The following PCSK5 variants were observed in gnomAD, a reference collection of about 807,000 sequenced individuals.
The protein encoded by PCSK5 is prohormone convertase 5.
A neutral mutation model predicts 233.2 loss-of-function variants in PCSK5; 129 were observed. That is an observed-to-expected ratio of 0.55 (90% CI 0.48 to 0.64). The LOEUF (loss-of-function observed/expected upper bound fraction) is 0.64, where lower values mean the gene tolerates loss of function less well. PCSK5 is among the 30% of genes least tolerant of loss of function. The pLI, the probability that PCSK5 is intolerant of heterozygous loss-of-function variation, is 0.00. For synonymous variants in PCSK5, 825 were observed against 879.2 expected, an observed-to-expected ratio of 0.94 and a Z score of 1.09; for missense variants, 2,076 against 2,430.1, an observed-to-expected ratio of 0.85 and a Z score of 3.06.
chr9:76,018,395 G>T (rs1293982506), intron 3 of PCSK5, among the ~76,000 whole-genome samples: 1 of 152,180 alleles, frequency 6.6e-6, no homozygotes, highest in Non-Finnish European at 1.5e-5. Context: ...TGCACAGCAG[G>T]ACTTGAGTGG....
At chr9:76,245,071 G>T (rs1432146825) in intron 24 of PCSK5, among the ~76,000 whole-genome samples, 1 of 152,060 alleles carries the variant, frequency 6.6e-6, no homozygotes, top group African/African-American at 2.4e-5. Flanking sequence ...TTGTTTGTTT[G>T]TTTGTTTTAA....
chr9:75,914,594 T>C (rs1031345293), intron 1 of PCSK5, among the ~76,000 whole-genome samples: 8 of 152,072 alleles, frequency 5.3e-5, no homozygotes, highest in Non-Finnish European at 1.0e-4. Context: ...CCCCTTTCAG[T>C]AGGGCAAGAA....
intron 21 of PCSK5, among the ~76,000 whole-genome samples, chr9:76,229,966 G>A (rs1049792820): frequency 6.6e-6 from 1 of 152,212 alleles, no homozygotes; most frequent in African/African-American, 2.4e-5. Flanking sequence ...GGCATCTCAG[G>A]AATCCATGAA....
intron 30 of PCSK5, 109 bp downstream of exon 30, chr9:76,310,960 C>A: frequency 2.7e-6 from 2 of 735,438 alleles, no homozygotes; most frequent in Non-Finnish European, 2.1e-6. Flanking sequence ...CTACGAGCAC[C>A]CACATAAATG....
chr9:76,332,356 G>A lies in PCSK5; in HGVS notation c.4571-77G>A, dbSNP rs149092837. The A allele has an allele frequency of 4.4e-3, 4,714 of 1,064,238 alleles. 10 individuals are homozygous for A. Among genetic ancestry groups the A allele is most frequent in the Non-Finnish European group, 5.5e-3 (3,922 of 714,930 alleles). 65.9% of individuals were successfully genotyped at this position (1,064,238 alleles called of 1,614,324 possible). A position where few individuals can be genotyped will look rare whatever the true frequency, so the allele number is the denominator to read the frequency against. Reference sequence around the variant, plus strand: ...GCAGCCCTCTCCTCCCTCCCGCCATGGTACACAAGAGGGAAAATACAGGGG... The same window carrying A: ...GCAGCCCTCTCCTCCCTCCCGCCATAGTACACAAGAGGGAAAATACAGGGG... On this transcript the variant is annotated intron_variant, in intron 33 of 37. Coordinates refer to ENST00000674117, the MANE Select transcript of PCSK5 (RefSeq NM_001372043.1).
chr9:76,042,278 T>C (rs1224841607), intron 5 of PCSK5, among the ~76,000 whole-genome samples: 1 of 152,266 alleles, frequency 6.6e-6, no homozygotes, highest in African/African-American at 2.4e-5. Flanking sequence ...CTTATTCTGA[T>C]ATTCCAAACT....
intron 9 of PCSK5, among the ~76,000 whole-genome samples, chr9:76,108,702 G>A (rs143876632): frequency 2.0e-4 from 30 of 152,258 alleles, no homozygotes; most frequent in Middle Eastern, 3.4e-3. Flanking sequence ...GCAGTGAGCC[G>A]AGATCGCCCC....
At chr9:75,981,888 G>C (rs1054841692) in intron 2 of PCSK5, among the ~76,000 whole-genome samples, 9 of 152,202 alleles carry the variant, frequency 5.9e-5, no homozygotes, top group Middle Eastern at 3.4e-3. Flanking sequence ...ATTGTTTTTT[G>C]ATTGTATGAT....
chr9:76,042,814 A>G (rs2792224), intron 5 of PCSK5, among the ~76,000 whole-genome samples: 32,996 of 152,194 alleles, frequency 0.22, 4,167 homozygotes, highest in East Asian at 0.36. Flanking sequence ...TATTAGCACA[A>G]TCACATAGTG....
At chr9:75,954,422 C>G (rs940117339) in intron 2 of PCSK5, among the ~76,000 whole-genome samples, 1 of 152,120 alleles carries the variant, frequency 6.6e-6, no homozygotes, top group Non-Finnish European at 1.5e-5. Flanking sequence ...TCTCCCCCTC[C>G]CGCTCCTAGT....
chr9:76,361,370 C>CTAAATAAA lies in PCSK5; in HGVS notation c.*2461_*2468dup, dbSNP rs35272007. 6.6e-6 allele frequency: 1 copy of CTAAATAAA among 151,674 alleles called. No individual in the cohort carries two copies. Among genetic ancestry groups the CTAAATAAA allele is most frequent in the Non-Finnish European group, 1.5e-5 (1 of 67,998 alleles). The allele number at this position is 151,674 out of a possible 1,614,324, so 9.4% of individuals were successfully genotyped here. On this transcript the variant is annotated 3_prime_UTR_variant, in exon 38 of 38. Transcript: ENST00000674117. ...AAAAAATAAGTAACTAACTAACTAA[C>CTAAATAAA]TAAATAAATAAATAAATAAAATTAT...
At chr9:76,233,800 C>G (rs1249223920) in intron 22 of PCSK5, among the ~76,000 whole-genome samples, 2 of 100,952 alleles carry the variant, frequency 2.0e-5, no homozygotes, top group African/African-American at 3.9e-5. Context: ...GGTGTAGACT[C>G]GGTGCCCTGG....
At chr9:75,957,579 C>T (rs773844787) in intron 2 of PCSK5, among the ~76,000 whole-genome samples, 4 of 152,132 alleles carry the variant, frequency 2.6e-5, no homozygotes, top group Non-Finnish European at 4.4e-5. Context: ...TGGAGGAGCA[C>T]AATCCTGCCT....
chr9:76,226,056 A>C (rs897675381), intron 20 of PCSK5, among the ~76,000 whole-genome samples: 1 of 152,152 alleles, frequency 6.6e-6, no homozygotes, highest in Non-Finnish European at 1.5e-5. Flanking sequence ...TCCCATTCCC[A>C]TTCTAAAAAT....
At position 76,263,621 on chromosome 9, in the gene PCSK5, A is replaced by C. The variant is rs558801114; in HGVS notation, c.3142+22937A>C. Among the ~76,000 whole-genome samples the C allele has an allele frequency of 3.7e-4, 55 of 149,862 alleles. 2 individuals carry two copies. The East Asian group carries it at 5.2e-3, about 14-fold the overall frequency. ...GGAAGGGGAACATCACACTCTGGGG[A>C]CTGTTGTGGGGTGGGGGGAGTGGGG... is the stretch of plus-strand genomic sequence containing the variant. On this transcript the variant is annotated intron_variant, in intron 24 of 37. Coordinates refer to ENST00000674117, the MANE Select transcript of PCSK5 (RefSeq NM_001372043.1).
intron 24 of PCSK5, among the ~76,000 whole-genome samples, chr9:76,264,959 A>T (rs1197545265): frequency 6.6e-6 from 1 of 152,194 alleles, no homozygotes; most frequent in Non-Finnish European, 1.5e-5. Flanking sequence ...CTGCACTCAC[A>T]TGTTTATCAC....
chr9:76,044,264 G>A (rs1230989063), intron 5 of PCSK5, among the ~76,000 whole-genome samples: 4 of 152,114 alleles, frequency 2.6e-5, no homozygotes, highest in Non-Finnish European at 1.5e-5. Context: ...TAAATGAGTT[G>A]GCATGTATTC....
chr9:76,186,312 A>G (rs910566540), intron 17 of PCSK5, among the ~76,000 whole-genome samples: 1 of 152,258 alleles, frequency 6.6e-6, no homozygotes, highest in Admixed American at 6.5e-5. Flanking sequence ...TACATAGCCA[A>G]GTTGTTCCAA....
chr9:76,235,427 G>A (rs1826223181), intron 22 of PCSK5, among the ~76,000 whole-genome samples: 1 of 152,162 alleles, frequency 6.6e-6, no homozygotes, highest in Non-Finnish European at 1.5e-5. Flanking sequence ...AGTCTTCTAA[G>A]CATCCTACAA....
Sources: allele counts gnomAD v4.1 joint callset (sites outside exome capture counted in the v4.1 genomes callset), GRCh38; gene constraint gnomAD v4.1.1; transcripts MANE v1.5; gene names NCBI Gene and HGNC (gene_info 2026-07-23, HGNC 2026-07-21).